The following DENND5B variants were observed in gnomAD, a reference collection of about 807,000 sequenced individuals.
DENND5B encodes the protein DENN domain containing 5B.
In DENND5B, 34 loss-of-function variants were observed where a neutral mutation model predicts 140.6. That is an observed-to-expected ratio of 0.24 (90% confidence interval 0.18 to 0.32). The LOEUF is 0.32. DENND5B is among the 10% of genes least tolerant of loss of function. The pLI, the probability that DENND5B is intolerant of heterozygous loss-of-function variation, is 1.00. For synonymous variants in DENND5B, 551 were observed against 562.1 expected (o/e 0.98, Z 0.28); for missense variants, 1,142 against 1,560.2 (o/e 0.73, Z 4.52).
intron 1 of DENND5B, among the ~76,000 whole-genome samples, chr12:31,509,008 C>T (rs1947309936): frequency 6.6e-6 from 1 of 152,060 alleles, no homozygotes; most frequent in Non-Finnish European, 1.5e-5. Context: ...TAACATAAAA[C>T]AAAGCAACCA....
intron 7 of DENND5B, among the ~76,000 whole-genome samples, chr12:31,434,493 A>T (rs1327162489): frequency 6.6e-6 from 1 of 152,108 alleles, no homozygotes; most frequent in African/African-American, 2.4e-5. Context: ...ATAATGATTC[A>T]ACTCATGTGC....
chr12:31,471,880 G>T (rs1289900077), intron 3 of DENND5B, among the ~76,000 whole-genome samples: 1 of 152,070 alleles, frequency 6.6e-6, no homozygotes, highest in East Asian at 1.9e-4. Context: ...CCAGTCTCAA[G>T]GACTGGATAA....
intron 1 of DENND5B, among the ~76,000 whole-genome samples, chr12:31,568,232 T>C (rs752159335): frequency 2.0e-5 from 3 of 152,250 alleles, no homozygotes; most frequent in Non-Finnish European, 2.9e-5. Context: ...ATAAGGTACA[T>C]ATGAAATATA....
intron 1 of DENND5B, among the ~76,000 whole-genome samples, chr12:31,581,058 T>C (rs1014086543): frequency 2.0e-5 from 3 of 152,142 alleles, no homozygotes; most frequent in Admixed American, 6.6e-5. Context: ...TGAGCTGTGA[T>C]TGAAGTATTG....
chr12:31,459,352 C>T (rs140416022), intron 4 of DENND5B, among the ~76,000 whole-genome samples: 1 of 152,142 alleles, frequency 6.6e-6, no homozygotes, highest in Non-Finnish European at 1.5e-5. Context: ...TGCAGTGGCA[C>T]GATCTTGGCT....
Position 31,411,632 on chromosome 12 carries a change from T to C in DENND5B, c.2681+1804A>G, listed in dbSNP as rs1169257899. 4.6e-5 allele frequency among the ~76,000 whole-genome samples: 7 copies of C among 151,978 alleles called. No homozygotes were observed. In the South Asian group the frequency reaches 1.0e-3, roughly 23 times the overall value. On this transcript the variant is annotated intron_variant, in intron 13 of 20. Transcript: ENST00000389082. ...TGCTGGGATTACAGGTGTGAGCCAC[T>C]GCGCCCAGCCAATAACTTTTTGTAA...
chr12:31,395,901 T>A (rs2137323668), intron 17 of DENND5B, among the ~76,000 whole-genome samples: 1 of 148,930 alleles, frequency 6.7e-6, no homozygotes, highest in African/African-American at 2.5e-5. Context: ...AGAAATACAT[T>A]TTGTTGCAGG....
In DENND5B at chr12:31,452,237, C is replaced by G. The variant is rs369020231; in HGVS notation, c.1332G>C (p.Met444Ile). The G allele has an allele frequency of 1.9e-6, 3 of 1,613,862 alleles. No homozygotes were observed. The highest frequency in any genetic ancestry group is 2.5e-6 in the Non-Finnish European group (3 of 1,179,904). ...TTTCATTGCCCTTCAGTAACTCATACATGCTGATGTTATTAGTACAGACAT... is the reference window on the plus strand; with the variant it reads ...TTTCATTGCCCTTCAGTAACTCATAGATGCTGATGTTATTAGTACAGACAT... The part of the protein sequence containing the change: ...NGNVCTNNIS[M>I]YELLKGNETI... The change falls in exon 5 of 21, where the codon ATG (methionine) becomes ATC (isoleucine). Residue 444 changes from methionine to isoleucine, a missense_variant. Coordinates refer to ENST00000389082, the MANE Select transcript of DENND5B (RefSeq NM_144973.4).
intron 1 of DENND5B, among the ~76,000 whole-genome samples, chr12:31,552,001 T>C (rs896432450): frequency 1.8e-4 from 28 of 151,936 alleles, no homozygotes; most frequent in Admixed American, 1.4e-3. Flanking sequence ...ACAATCATGT[T>C]GTCTGCAAAC....
At chr12:31,577,149 G>C (rs1436640389) in intron 1 of DENND5B, among the ~76,000 whole-genome samples, 2 of 152,140 alleles carry the variant, frequency 1.3e-5, no homozygotes, top group Non-Finnish European at 2.9e-5. Context: ...GAATTAAGAT[G>C]ATCAGAAATT....
intron 8 of DENND5B, chr12:31,431,995 C>A (rs1943530498): frequency 1.1e-6 from 1 of 927,452 alleles, no homozygotes; most frequent in Admixed American, 6.2e-5. Context: ...ACACCAAAGA[C>A]AAGATTGGGG....
In DENND5B at chr12:31,466,818, A is replaced by G. The variant is rs1945289305; in HGVS notation, c.905-6437T>C. Among the ~76,000 whole-genome samples, 5 of 152,238 alleles carry G rather than the reference A, an allele frequency of 3.3e-5. No individual in the cohort carries two copies. In the South Asian group the frequency reaches 1.0e-3, roughly 31 times the overall value. ...TTTTCCAAAATGGGTAAAGGACATT[A>G]ATTCTTAAATTTCAGGAAACATAAT... is the stretch of plus-strand genomic sequence containing the variant. On this transcript the variant is annotated intron_variant, in intron 3 of 20. Transcript: ENST00000389082.
chr12:31,586,842 C>G (rs1279821145), intron 1 of DENND5B, among the ~76,000 whole-genome samples: 4 of 152,178 alleles, frequency 2.6e-5, no homozygotes, highest in African/African-American at 9.7e-5. Flanking sequence ...CAGATCAGCT[C>G]CAGCAAGGCA....
At position 31,450,097 on chromosome 12, in the gene DENND5B, C is replaced by T. The variant is rs576888282; in HGVS notation, c.1629+1843G>A. ...TGGTTAAGACTAACGAAAAAGGAAC[C>T]TAAGGGCATACACTTAAAGAAGTGA... On this transcript the variant is annotated intron_variant, in intron 5 of 20. Coordinates refer to ENST00000389082, the MANE Select transcript of DENND5B (RefSeq NM_144973.4). Among the ~76,000 whole-genome samples, 84 of 152,280 alleles carry T rather than the reference C, an allele frequency of 5.5e-4. 1 individual carries two copies. The highest frequency in any genetic ancestry group is 1.9e-3 in the African/African-American group (81 of 41,558).
chr12:31,480,324 G>GT (rs11460345), intron 2 of DENND5B, 69 bp from the exon 3 acceptor site: 714,103 of 1,358,094 alleles, frequency 0.53, 192,809 homozygotes, highest in East Asian at 0.85. Context: ...AATAAATGTT[G>GT]TTTTTTTAAC....
At chr12:31,540,861 C>G in intron 1 of DENND5B, 2 of 316,084 alleles carry the variant, frequency 6.3e-6, no homozygotes, top group South Asian at 5.5e-5. Flanking sequence ...CACATTAGAC[C>G]AGTGAAACAG....
chr12:31,571,288 G>A (rs1396907086), intron 1 of DENND5B, among the ~76,000 whole-genome samples: 2 of 152,178 alleles, frequency 1.3e-5, no homozygotes, highest in Non-Finnish European at 2.9e-5. Context: ...TAGAGATCAA[G>A]AGTTTATCTT....
At chr12:31,550,121 T>G (rs1486578917) in intron 1 of DENND5B, among the ~76,000 whole-genome samples, 2 of 151,926 alleles carry the variant, frequency 1.3e-5, no homozygotes, top group Non-Finnish European at 2.9e-5. Context: ...TGTGCAAGTT[T>G]CTTACATATG....
chr12:31,570,857 T>C (rs949282303), intron 1 of DENND5B, among the ~76,000 whole-genome samples: 2 of 152,056 alleles, frequency 1.3e-5, no homozygotes, highest in Non-Finnish European at 1.5e-5. Flanking sequence ...AACTCACAGG[T>C]AGGTTTTGGC....
Sources: allele counts gnomAD v4.1 joint callset (sites outside exome capture counted in the v4.1 genomes callset), GRCh38; gene constraint gnomAD v4.1.1; transcripts MANE v1.5; gene names NCBI Gene and HGNC (gene_info 2026-07-23, HGNC 2026-07-21).